The following NOTCH2NLC variants were observed in gnomAD, a reference collection of about 807,000 sequenced individuals.
NOTCH2NLC encodes notch homolog 2 N-terminal-like protein C.
NOTCH2NLC carries 4 observed loss-of-function variants against 17.7 expected under a neutral mutation model. The ratio of observed to expected loss-of-function variants is 0.23; its 90% CI spans 0.11 to 0.52. The LOEUF is 0.52. Ranked by LOEUF, NOTCH2NLC falls within the 20% of genes least tolerant of loss-of-function variation. NOTCH2NLC has a pLI of 0.96. For missense variants in NOTCH2NLC, 57 were observed against 207.2 expected (o/e 0.28, Z 4.45); for synonymous variants, 18 against 86.0 (o/e 0.21, Z 4.38).
intron 1 of NOTCH2NLC, among the ~76,000 whole-genome samples, chr1:149,415,886 G>A (rs1445227455): frequency 6.7e-6 from 1 of 149,830 alleles, no homozygotes; most frequent in Non-Finnish European, 1.5e-5. Context: ...CAAATACCCT[G>A]AATTTTGATA....
At chr1:149,393,365 T>C in intron 1 of NOTCH2NLC, among the ~76,000 whole-genome samples, 1 of 151,304 alleles carries the variant, frequency 6.6e-6, no homozygotes, top group East Asian at 2.0e-4. Flanking sequence ...AAATCTTAAA[T>C]CTTCTTAGAG....
chr1:149,451,035 GAGAA>G (rs1228114729), intron 2 of NOTCH2NLC, among the ~76,000 whole-genome samples: 5 of 136,788 alleles, frequency 3.7e-5, no homozygotes, highest in Admixed American at 2.9e-4. Context: ...ATGCATTTGA[GAGAA>G]AGAGCAGTGC....
At chr1:149,427,425 G>T (rs1315378535) in intron 1 of NOTCH2NLC, among the ~76,000 whole-genome samples, 1 of 140,596 alleles carries the variant, frequency 7.1e-6, no homozygotes, top group Non-Finnish European at 1.5e-5. Context: ...TTCTATCCAT[G>T]TTGTCTCAAA....
At chr1:149,414,588 T>G (rs2084320050) in intron 1 of NOTCH2NLC, among the ~76,000 whole-genome samples, 1 of 150,942 alleles carries the variant, frequency 6.6e-6, no homozygotes, top group Non-Finnish European at 1.5e-5. Context: ...ATTTATACAT[T>G]ATATAAATGT....
intron 3 of NOTCH2NLC, among the ~76,000 whole-genome samples, chr1:149,462,165 C>A (rs2084654277): frequency 6.7e-6 from 1 of 149,848 alleles, no homozygotes; most frequent in Admixed American, 6.7e-5. Context: ...GAGTTCTCAT[C>A]TCTGTAGTTT....
At chr1:149,393,769 AGAG>A (rs1165248745) in intron 1 of NOTCH2NLC, among the ~76,000 whole-genome samples, 3 of 123,944 alleles carry the variant, frequency 2.4e-5, no homozygotes, top group South Asian at 3.1e-4. Flanking sequence ...GGTGTGGTGG[AGAG>A]GAGGAGGAGA....
chr1:149,461,810 G>A (rs1160847702), intron 3 of NOTCH2NLC, among the ~76,000 whole-genome samples: 4 of 149,312 alleles, frequency 2.7e-5, no homozygotes, highest in African/African-American at 9.9e-5. Flanking sequence ...CCATAAAAAA[G>A]GATGAGTTCA....
chr1:149,462,117 A>G (rs2084653888), intron 3 of NOTCH2NLC, among the ~76,000 whole-genome samples: 1 of 146,366 alleles, frequency 6.8e-6, no homozygotes, highest in African/African-American at 2.5e-5. Flanking sequence ...TGTACCCTAG[A>G]ACTTAAAGTA....
At chr1:149,439,753 C>T (rs1181851291) in intron 2 of NOTCH2NLC, among the ~76,000 whole-genome samples, 1 of 150,390 alleles carries the variant, frequency 6.6e-6, no homozygotes, top group African/African-American at 2.4e-5. Context: ...ATTGGATTTC[C>T]ACACATTTTC....
chr1:149,461,981 G>C (rs1478126310), intron 3 of NOTCH2NLC, among the ~76,000 whole-genome samples: 1 of 134,106 alleles, frequency 7.5e-6, no homozygotes, highest in Non-Finnish European at 1.6e-5. Context: ...GGGGCCTGTC[G>C]TGGGGTGGTG....
At chr1:149,392,532 A>G (rs2084175064) in intron 1 of NOTCH2NLC, among the ~76,000 whole-genome samples, 1 of 150,112 alleles carries the variant, frequency 6.7e-6, no homozygotes, top group Non-Finnish European at 1.5e-5. Context: ...TAAAGAGCAT[A>G]TATGATGGTG....
intron 1 of NOTCH2NLC, among the ~76,000 whole-genome samples, chr1:149,415,929 C>T (rs2084332518): frequency 6.6e-6 from 1 of 150,948 alleles, no homozygotes; most frequent in South Asian, 2.1e-4. Flanking sequence ...TTATTATAGA[C>T]TTATTATAGT....
chr1:149,468,740 G>T lies in NOTCH2NLC; in HGVS notation c.*4587G>T, dbSNP rs1419880158. Among the ~76,000 whole-genome samples, 1 of 143,830 alleles carries T rather than the reference G, an allele frequency of 7.0e-6. No individual in the cohort carries two copies. Among genetic ancestry groups the T allele is most frequent in the African/African-American group, 2.5e-5 (1 of 39,424 alleles). The allele number at this position is 143,830 out of a possible 152,430, so 94.4% of individuals were successfully genotyped here. On this transcript the variant is annotated 3_prime_UTR_variant, in exon 5 of 5. Coordinates refer to ENST00000650865, the MANE Select transcript of NOTCH2NLC (RefSeq NM_001364013.2). ...TCTTTGGTGACAAAGTTAGAAAAAA[G>T]TGGAGGTCAGTAGGGAGATATGAAG...
At chr1:149,393,560 C>T (rs2084187932) in intron 1 of NOTCH2NLC, among the ~76,000 whole-genome samples, 2 of 148,392 alleles carry the variant, frequency 1.3e-5, no homozygotes, top group South Asian at 4.4e-4. Flanking sequence ...GTCTAAACAG[C>T]TATCCAGGAC....
intron 2 of NOTCH2NLC, among the ~76,000 whole-genome samples, chr1:149,437,486 CAG>C (rs1174258581): frequency 3.6e-5 from 4 of 111,302 alleles, no homozygotes; most frequent in Admixed American, 9.5e-5. Context: ...TTTTTTGAGA[CAG>C]AGTCTCGCTC....
At chr1:149,454,297 T>C (rs2101506718) in intron 2 of NOTCH2NLC, among the ~76,000 whole-genome samples, 1 of 39,238 alleles carries the variant, frequency 2.5e-5, no homozygotes, top group African/African-American at 1.0e-4. Flanking sequence ...GCCAAATATA[T>C]AGCAGCATTT....
At chr1:149,449,945 G>A (rs2084582153) in intron 2 of NOTCH2NLC, among the ~76,000 whole-genome samples, 1 of 148,196 alleles carries the variant, frequency 6.7e-6, no homozygotes, top group Non-Finnish European at 1.5e-5. Context: ...GTTCATCCAT[G>A]TTGTAGCATG....
At position 149,467,215 on chromosome 1, in the gene NOTCH2NLC, A is replaced by T. The variant is rs1377545553; in HGVS notation, c.*3062A>T. On this transcript the variant is annotated 3_prime_UTR_variant, in exon 5 of 5. Coordinates refer to ENST00000650865, the MANE Select transcript of NOTCH2NLC (RefSeq NM_001364013.2). ...TCTTTGTATTGTGCGTCCTAGACTT[A>T]GTTTGGCCTCTCCTTTTGTCCTTGT... is the stretch of plus-strand genomic sequence containing the variant. The T allele has an allele frequency of 3.2e-5, 2 of 62,706 alleles. No individual in the cohort carries two copies. The highest frequency in any genetic ancestry group is 1.3e-4 in the African/African-American group (2 of 15,296). 3.9% of individuals were successfully genotyped at this position (62,706 alleles called of 1,614,324 possible). A position where few individuals can be genotyped will look rare whatever the true frequency, so the allele number is the denominator to read the frequency against.
rs1410581711 is a variant in NOTCH2NLC, at chr1:149,467,329, T to C, written c.*3176T>C. Reference sequence around the variant, plus strand: ...AACTTAGTGACTATATTTAAATGGTTAATTTACAATTTTTTCCCTGCAAAG... The same window carrying C: ...AACTTAGTGACTATATTTAAATGGTCAATTTACAATTTTTTCCCTGCAAAG... On this transcript the variant is annotated 3_prime_UTR_variant, in exon 5 of 5. Coordinates refer to ENST00000650865, the MANE Select transcript of NOTCH2NLC (RefSeq NM_001364013.2). 3 of 137,328 alleles carry C rather than the reference T, an allele frequency of 2.2e-5. No individual in the cohort carries two copies. Among genetic ancestry groups the C allele is most frequent in the African/African-American group, 8.1e-5 (3 of 36,922 alleles). 8.5% of individuals were successfully genotyped at this position (137,328 alleles called of 1,614,324 possible). A position where few individuals can be genotyped will look rare whatever the true frequency, so the allele number is the denominator to read the frequency against.
Sources: allele counts gnomAD v4.1 joint callset (sites outside exome capture counted in the v4.1 genomes callset), GRCh38; gene constraint gnomAD v4.1.1; transcripts MANE v1.5; gene names NCBI Gene and HGNC (gene_info 2026-07-23, HGNC 2026-07-21).